The following CLASP1 variants were observed in gnomAD, a reference collection of about 807,000 sequenced individuals.
The protein encoded by CLASP1 is CLIP-associating protein 1.
CLASP1 carries 38 observed loss-of-function variants against 192.3 expected under a neutral mutation model. The ratio of observed to expected loss-of-function variants is 0.20; its 90% CI spans 0.15 to 0.26. The LOEUF (loss-of-function observed/expected upper bound fraction) is 0.26, where lower values mean the gene tolerates loss of function less well. Ranked by LOEUF, CLASP1 falls within the 10% of genes least tolerant of loss-of-function variation. CLASP1 has a pLI of 1.00. For synonymous variants in CLASP1, 691 were observed against 712.8 expected (o/e 0.97, Z 0.49); for missense variants, 1,433 against 1,932.5 (o/e 0.74, Z 4.85).
intron 6 of CLASP1, among the ~76,000 whole-genome samples, chr2:121,522,449 T>C (rs1226944022): frequency 6.6e-6 from 1 of 152,240 alleles, no homozygotes; most frequent in Non-Finnish European, 1.5e-5. Context: ...TAACTGCCAT[T>C]AAAGACACTA....
intron 31 of CLASP1, 106 bp from the exon 33 acceptor site, chr2:121,387,334 G>T (rs2073441924): frequency 6.3e-6 from 5 of 791,798 alleles, no homozygotes; most frequent in Admixed American, 3.5e-5. Context: ...GGTAGAATCT[G>T]CCCAGGATGG....
intron 1 of CLASP1, among the ~76,000 whole-genome samples, chr2:121,629,608 T>A (rs1438314091): frequency 6.6e-6 from 1 of 150,536 alleles, no homozygotes; most frequent in African/African-American, 2.4e-5. Flanking sequence ...CTGGCCAACA[T>A]GGTGAAACCC....
chr2:121,457,393 C>T (rs2086893585), intron 14 of CLASP1, among the ~76,000 whole-genome samples: 2 of 151,774 alleles, frequency 1.3e-5, no homozygotes. Context: ...AAAAAATGTA[C>T]AGGGAGTCCT....
At chr2:121,381,477 A>G (rs1401366971) in intron 33 of CLASP1, among the ~76,000 whole-genome samples, 2 of 152,200 alleles carry the variant, frequency 1.3e-5, no homozygotes, top group Non-Finnish European at 2.9e-5. Flanking sequence ...TGAAATAGAC[A>G]TCTGCAGTAC....
intron 22 of CLASP1, among the ~76,000 whole-genome samples, chr2:121,421,777 A>C (rs2079547153): frequency 6.6e-6 from 1 of 152,258 alleles, no homozygotes; most frequent in Non-Finnish European, 1.5e-5. Flanking sequence ...TCCTGACCTC[A>C]AGGGATTCAT....
chr2:121,566,681 G>A (rs2059533169), intron 2 of CLASP1, among the ~76,000 whole-genome samples: 1 of 152,142 alleles, frequency 6.6e-6, no homozygotes, highest in Non-Finnish European at 1.5e-5. Flanking sequence ...TAGTAATTTT[G>A]ATAATAACTA....
At chr2:121,606,579 A>G (rs375691625) in intron 1 of CLASP1, among the ~76,000 whole-genome samples, 2 of 152,210 alleles carry the variant, frequency 1.3e-5, no homozygotes, top group African/African-American at 4.8e-5. Flanking sequence ...CCTTACTCTC[A>G]GTCTTCTAAA....
At chr2:121,478,304 T>A (rs2091889955) in intron 8 of CLASP1, among the ~76,000 whole-genome samples, 1 of 151,982 alleles carries the variant, frequency 6.6e-6, no homozygotes, top group South Asian at 2.1e-4. Context: ...CGCAACCTGA[T>A]AAAGACCACC....
intron 2 of CLASP1, among the ~76,000 whole-genome samples, chr2:121,568,814 G>A (rs937884487): frequency 2.6e-5 from 4 of 151,878 alleles, no homozygotes; most frequent in Non-Finnish European, 5.9e-5. Flanking sequence ...CCAGGTCCTT[G>A]GTCTTCCCCT....
intron 7 of CLASP1, 135 bp from the exon 8 acceptor site, chr2:121,503,369 A>G: frequency 1.7e-6 from 1 of 600,514 alleles, no homozygotes; most frequent in East Asian, 2.8e-5. Context: ...GTAACAAAAC[A>G]GTGACTCAAT....
intron 1 of CLASP1, among the ~76,000 whole-genome samples, chr2:121,608,468 G>GA (rs1396345793): frequency 6.6e-6 from 1 of 152,148 alleles, no homozygotes; most frequent in Non-Finnish European, 1.5e-5. Context: ...GCTGCCCTGG[G>GA]ACGGCCATGC....
rs907256825 is a variant in CLASP1, at chr2:121,541,969, T to A, written c.196-11644A>T. 5.9e-5 allele frequency among the ~76,000 whole-genome samples: 9 copies of A among 152,018 alleles called. No homozygotes were observed. In the East Asian group the frequency reaches 1.5e-3, roughly 26 times the overall value. Reference sequence around the variant, plus strand: ...TAGGCATGAAATCTAGAAAAGAAAATAAGGTTGCCTAAAATTCCATCACTC... The same window carrying A: ...TAGGCATGAAATCTAGAAAAGAAAAAAAGGTTGCCTAAAATTCCATCACTC... On this transcript the variant is annotated intron_variant, in intron 2 of 39. Coordinates refer to ENST00000263710, the Ensembl canonical transcript of CLASP1.
chr2:121,365,446 C>T (rs1573849477), intron 35 of CLASP1, among the ~76,000 whole-genome samples, 162 bp from the exon 37 acceptor site: 2 of 152,342 alleles, frequency 1.3e-5, no homozygotes, highest in South Asian at 4.1e-4. Context: ...GCTGTCCGGC[C>T]TCAGCCTACA....
intron 30 of CLASP1, among the ~76,000 whole-genome samples, chr2:121,394,950 A>G (rs1327770066): frequency 6.6e-6 from 1 of 152,040 alleles, no homozygotes; most frequent in Non-Finnish European, 1.5e-5. Context: ...TTTTTTGTCA[A>G]ATTTGGGGAG....
At chr2:121,515,582 T>G in intron 7 of CLASP1, 83 bp downstream of exon 7, 1 of 1,007,242 alleles carries the variant, frequency 9.9e-7, no homozygotes, top group Non-Finnish European at 1.5e-6. Flanking sequence ...ACAGAAAAAG[T>G]ATTGCAAATC....
intron 14 of CLASP1, among the ~76,000 whole-genome samples, chr2:121,455,038 C>G (rs2086326790): frequency 6.6e-6 from 1 of 152,168 alleles, no homozygotes; most frequent in African/African-American, 2.4e-5. Context: ...ATAATCATCC[C>G]TCTGGCATGC....
At chr2:121,536,991 T>G (rs970464235) in intron 2 of CLASP1, among the ~76,000 whole-genome samples, 4 of 152,204 alleles carry the variant, frequency 2.6e-5, no homozygotes, top group African/African-American at 9.7e-5. Context: ...TAGCTGATGG[T>G]TATGAAGCTT....
chr2:121,380,995 T>C lies in CLASP1; in HGVS notation c.3491+1213A>G, dbSNP rs557776427. 6.6e-5 allele frequency among the ~76,000 whole-genome samples: 10 copies of C among 152,152 alleles called. No homozygotes were observed. In the South Asian group the frequency reaches 2.1e-3, roughly 32 times the overall value. On this transcript the variant is annotated intron_variant, in intron 33 of 39. Transcript: ENST00000263710. ...TACTGGGAGATAGTCAACCAACTGATCTTACACTTGGAGGCACAGCTAACC... is the reference window on the plus strand; with the variant it reads ...TACTGGGAGATAGTCAACCAACTGACCTTACACTTGGAGGCACAGCTAACC...
At chr2:121,451,905 A>C (rs1041889549) in intron 14 of CLASP1, 56 bp from the exon 15 acceptor site, 2 of 1,281,784 alleles carry the variant, frequency 1.6e-6, no homozygotes. Flanking sequence ...TGAAAATGAA[A>C]ACGGCATTTT....
Sources: allele counts gnomAD v4.1 joint callset (sites outside exome capture counted in the v4.1 genomes callset), GRCh38; gene constraint gnomAD v4.1.1; transcripts MANE v1.5; gene names NCBI Gene and HGNC (gene_info 2026-07-23, HGNC 2026-07-21).